The following C6orf52 variants were observed in gnomAD, a reference collection of about 807,000 sequenced individuals.
The protein encoded by C6orf52 is chromosome 6 open reading frame 52, also known as putative uncharacterized protein C6orf52.
Under a neutral mutation model 16.6 loss-of-function variants are expected in C6orf52, and 16 were observed. The observed-to-expected ratio is 0.96, with a 90% CI of 0.65 to 1.46. The LOEUF (loss-of-function observed/expected upper bound fraction) is 1.46. C6orf52 is among the 40% of genes most tolerant of loss of function. C6orf52 has a pLI of 0.00. For missense variants in C6orf52, 166 were observed against 182.3 expected (o/e 0.91, Z 0.52); for synonymous variants, 53 against 61.4 (o/e 0.86, Z 0.64).
chr6:10,685,471 A>G (rs1279889898), intron 3 of C6orf52, among the ~76,000 whole-genome samples: 1 of 152,222 alleles, frequency 6.6e-6, no homozygotes, highest in African/African-American at 2.4e-5. Context: ...ATATCATAAT[A>G]TAAAGCAAAT....
intron 1 of C6orf52, among the ~76,000 whole-genome samples, chr6:10,693,699 GA>G (rs1769562555): frequency 6.6e-6 from 1 of 152,194 alleles, no homozygotes; most frequent in African/African-American, 2.4e-5. Flanking sequence ...TAATGTCTAA[GA>G]CATACCTGAA....
upstream of C6orf52, chr6:10,694,813 C>T: frequency 3.5e-6 from 2 of 564,352 alleles, no homozygotes; most frequent in Non-Finnish European, 6.3e-6. Flanking sequence ...GACCTCCCCG[C>T]GCTTAAAGTG....
chr6:10,671,618 A>G lies in C6orf52; in HGVS notation c.317-20T>C, dbSNP rs1280606599. The G allele has an allele frequency of 1.3e-6, 2 of 1,496,910 alleles. No homozygotes were observed. The highest frequency in any genetic ancestry group is 2.4e-5 in the Admixed American group (1 of 42,300). The allele number at this position is 1,496,910 out of a possible 1,614,324, so 92.7% of individuals were successfully genotyped here. On this transcript the variant is annotated intron_variant, in intron 4 of 4. Transcript: ENST00000259983. ...GTGGATCTGCAGAAGCCAATAATGG[A>G]TATGAAAAAAATAGAGTTTTACAGG...
rs1466481294 is a variant in C6orf52 at position 10,693,883 on chromosome 6, C to G, written c.-12+611G>C. Among the ~76,000 whole-genome samples the G allele has an allele frequency of 2.0e-5, 3 of 152,166 alleles. No homozygotes were observed. The East Asian group carries it at 5.8e-4, about 29-fold the overall frequency. ...TGCTGAGGCCACAGGCGGGCGTCGCCATGCTGGGCTAATTTATAACATTTT... is the reference window on the plus strand; with the variant it reads ...TGCTGAGGCCACAGGCGGGCGTCGCGATGCTGGGCTAATTTATAACATTTT... On this transcript the variant is annotated intron_variant, in intron 1 of 4. Transcript: ENST00000259983.
In C6orf52 at chr6:10,680,672, G is replaced by A. The variant is rs867134284; in HGVS notation, c.316+2515C>T. Among the ~76,000 whole-genome samples the A allele has an allele frequency of 8.5e-5, 13 of 152,270 alleles. No individual in the cohort carries two copies. The South Asian group carries it at 1.2e-3, about 15-fold the overall frequency. ...TTGGGGAGGCAGAGCTGGGAGGATC[G>A]CTTGAGCCTAAGAGTTTGAGACCAA... On this transcript the variant is annotated intron_variant, in intron 4 of 4. Transcript: ENST00000259983.
chr6:10,691,492 T>C (rs1312985040), intron 1 of C6orf52, among the ~76,000 whole-genome samples: 1 of 152,174 alleles, frequency 6.6e-6, no homozygotes, highest in African/African-American at 2.4e-5. Context: ...ACAATGTCTC[T>C]AATCTACAGA....
At chr6:10,672,487 G>C (rs560601869) in intron 4 of C6orf52, 12 of 665,000 alleles carry the variant, frequency 1.8e-5, no homozygotes, top group Non-Finnish European at 1.9e-5. Context: ...TTGGGTGCTG[G>C]TCTGACAGAA....
At chr6:10,684,170 G>A (rs907775032) in intron 3 of C6orf52, among the ~76,000 whole-genome samples, 3 of 152,158 alleles carry the variant, frequency 2.0e-5, no homozygotes, top group Non-Finnish European at 4.4e-5. Context: ...CCGCAGGCAT[G>A]GTGGCATGCA....
At chr6:10,693,501 A>AC (rs1465935584) in intron 1 of C6orf52, among the ~76,000 whole-genome samples, 8 of 152,222 alleles carry the variant, frequency 5.3e-5, no homozygotes, top group Non-Finnish European at 1.0e-4. Flanking sequence ...ACAATTCAGA[A>AC]CACCAGAGAA....
intron 1 of C6orf52, among the ~76,000 whole-genome samples, chr6:10,691,106 C>A (rs1769255946): frequency 6.6e-6 from 1 of 152,182 alleles, no homozygotes; most frequent in East Asian, 1.9e-4. Context: ...AAAGTCACTT[C>A]TCCAGACATA....
intron 1 of C6orf52, among the ~76,000 whole-genome samples, chr6:10,689,267 G>A (rs545340118): frequency 9.2e-5 from 14 of 152,324 alleles, no homozygotes; most frequent in Admixed American, 2.0e-4. Flanking sequence ...CACCGTGCCC[G>A]GCCTCCCAAG....
chr6:10,678,095 A>T (rs1768049023), intron 4 of C6orf52, among the ~76,000 whole-genome samples: 1 of 150,998 alleles, frequency 6.6e-6, no homozygotes. Context: ...GAGGCAGGAG[A>T]ATTGCTTGAA....
At chr6:10,683,328 C>A in intron 3 of C6orf52, 96 bp from the exon 4 acceptor site, 1 of 697,170 alleles carries the variant, frequency 1.4e-6, no homozygotes, top group South Asian at 2.0e-5. Flanking sequence ...CTCAAAAAAA[C>A]TACCTAAAAT....
At chr6:10,680,069 A>G (rs1768240492) in intron 4 of C6orf52, among the ~76,000 whole-genome samples, 2 of 152,164 alleles carry the variant, frequency 1.3e-5, no homozygotes, top group African/African-American at 4.8e-5. Flanking sequence ...CTTGGGCAAC[A>G]TGGCGAAACC....
At position 10,687,041 on chromosome 6, in the gene C6orf52, C is replaced by G; in HGVS notation, c.195G>C (p.Val65=). The G allele has an allele frequency of 6.4e-7, 1 of 1,551,670 alleles. No individual in the cohort carries two copies. Among genetic ancestry groups the G allele is most frequent in the Non-Finnish European group, 8.7e-7 (1 of 1,146,936 alleles). The change falls in exon 3 of 5, where the codon GTG becomes GTC. Residue 65 remains valine, a synonymous_variant. Coordinates refer to ENST00000259983, the MANE Select transcript of C6orf52 (RefSeq NM_001145020.3). ...LLSGYSYGCA[V]DGNGKDCFSA... ...AAAAACAGTCCTTTCCATTTCCATC[C>G]ACTGCACAGCCATAGCTGTAGCCAG...
At chr6:10,683,742 C>T (rs1768610190) in intron 3 of C6orf52, among the ~76,000 whole-genome samples, 1 of 152,222 alleles carries the variant, frequency 6.6e-6, no homozygotes, top group Non-Finnish European at 1.5e-5. Flanking sequence ...GCAGAGGCTA[C>T]AGCAAAGCAA....
chr6:10,693,521 T>C (rs968664623), intron 1 of C6orf52, among the ~76,000 whole-genome samples: 2 of 152,218 alleles, frequency 1.3e-5, no homozygotes, highest in African/African-American at 2.4e-5. Context: ...AGAAAAGTTA[T>C]TGGAAACAAA....
chr6:10,681,974 C>T (rs1041538922), intron 4 of C6orf52, among the ~76,000 whole-genome samples: 10 of 152,144 alleles, frequency 6.6e-5, no homozygotes, highest in African/African-American at 2.4e-4. Flanking sequence ...TAAGGGCCCA[C>T]GTGCACATTG....
At chr6:10,680,165 G>A (rs1287217811) in intron 4 of C6orf52, among the ~76,000 whole-genome samples, 2 of 152,096 alleles carry the variant, frequency 1.3e-5, no homozygotes, top group African/African-American at 4.8e-5. Flanking sequence ...GAGATGGGAG[G>A]ATTGCTTGAG....
Sources: gnomAD v4.1 joint callset for allele counts (sites outside exome capture counted in the v4.1 genomes callset) on GRCh38, gnomAD v4.1.1 for gene constraint, MANE v1.5 for transcripts, NCBI Gene and HGNC (gene_info 2026-07-23, HGNC 2026-07-21) for gene names.